ITGAE: variants seen among roughly 807,000 people sequenced by gnomAD.
The protein encoded by ITGAE is integrin subunit alpha E, also known as integrin alpha-E.
ITGAE carries 99 observed loss-of-function variants against 136.5 expected under a neutral mutation model. The ratio of observed to expected loss-of-function variants is 0.73; its 90% CI spans 0.62 to 0.86. The LOEUF is 0.86. Ranked by LOEUF, ITGAE falls within the 40% of genes least tolerant of loss-of-function variation. The pLI is 0.00. For missense variants in ITGAE, 1,447 were observed against 1,515.3 expected, an observed-to-expected ratio of 0.95 and a Z score of 0.75; for synonymous variants, 613 against 591.8, an observed-to-expected ratio of 1.04 and a Z score of -0.52.
intron 12 of ITGAE, 80 bp from the exon 13 acceptor site, chr17:3,754,005 C>A: frequency 6.5e-7 from 1 of 1,539,814 alleles, no homozygotes. Flanking sequence ...CCTTCCCAGT[C>A]AGGCCTTCAA....
rs374269564 is a variant in ITGAE at position 3,745,932 on chromosome 17, G to C, written c.2156-5C>G. On this transcript the variant is annotated splice_region_variant and splice_polypyrimidine_tract_variant and intron_variant, in intron 17 of 30. Coordinates refer to ENST00000263087, the MANE Select transcript of ITGAE (RefSeq NM_002208.5). ...TGAGAAGTGCCTCGCGGAGGCCTGG[G>C]AATGAAGACCAGACCTTCCCGATGA... 1.2e-6 allele frequency: 2 copies of C among 1,612,654 alleles called. No homozygotes were observed. Among genetic ancestry groups the C allele is most frequent in the Non-Finnish European group, 1.7e-6 (2 of 1,179,440 alleles).
At chr17:3,788,844 AAAT>A (rs10599333) in intron 1 of ITGAE, among the ~76,000 whole-genome samples, 4 of 26,444 alleles carry the variant, frequency 1.5e-4, no homozygotes, top group East Asian at 5.2e-4. Flanking sequence ...AATTATTTAA[AAAT>A]AATAATTATA....
intron 27 of ITGAE, 54 bp downstream of exon 27, chr17:3,723,634 T>G: frequency 6.7e-7 from 1 of 1,493,844 alleles, no homozygotes; most frequent in Non-Finnish European, 9.0e-7. Flanking sequence ...GGCCTCTCGT[T>G]ACCCGCTTCA....
At chr17:3,767,139 C>A (rs892169060) in intron 2 of ITGAE, among the ~76,000 whole-genome samples, 2 of 151,784 alleles carry the variant, frequency 1.3e-5, no homozygotes, top group Admixed American at 6.6e-5. Context: ...TCTTGTCGCC[C>A]AGGCTGGAGT....
At chr17:3,729,578 A>T in intron 23 of ITGAE, 23 bp from the exon 24 acceptor site, 1 of 1,395,138 alleles carries the variant, frequency 7.2e-7, no homozygotes, top group Non-Finnish European at 1.0e-6. Context: ...GTGTTAGTTC[A>T]TAGCACACCT....
Position 3,731,168 on chromosome 17 carries a change from C to A in ITGAE, c.2770G>T (p.Val924Phe). 1 of 1,613,450 alleles carries A rather than the reference C, an allele frequency of 6.2e-7. No individual in the cohort carries two copies. The highest frequency in any genetic ancestry group is 8.5e-7 in the Non-Finnish European group (1 of 1,179,588). The change falls in exon 23 of 31, where the codon GTT becomes TTT. Residue 924 changes from valine (V) to phenylalanine (F), a missense_variant. Around this residue, in one of 3 missense-constraint regions of ITGAE, gnomAD observed 1,031 missense variants for 1,011.4 expected, o/e 1.02. Coordinates refer to ENST00000263087, the MANE Select transcript of ITGAE (RefSeq NM_002208.5). ...AAGGCATTCTCCTCTAGCTGCCAAA[C>A]GACTGAAACATGAGCCTATTTTAAA... ...LKRSSAHVSV[V>F]WQLEENAFPN...
chr17:3,717,473 T>C (rs1221281945), intron 29 of ITGAE: 1 of 152,228 alleles, frequency 6.6e-6, no homozygotes, highest in Non-Finnish European at 1.5e-5. Flanking sequence ...CTAATCTCTC[T>C]TCTGGCAGGG....
chr17:3,743,148 C>G (rs2051625878), intron 19 of ITGAE, among the ~76,000 whole-genome samples: 1 of 152,234 alleles, frequency 6.6e-6, no homozygotes, highest in African/African-American at 2.4e-5. Context: ...CAAGGAACCC[C>G]CATCACAGCG....
Position 3,796,846 on chromosome 17 carries a change from G to A in ITGAE, c.34+4265C>T, listed in dbSNP as rs145391651. ...ACCACGATTCCCAATTTAGGAAACC[G>A]AGGCCCATGGGGCATGATTTGCCCA... On this transcript the variant is annotated intron_variant, in intron 1 of 30. Coordinates refer to ENST00000263087, the MANE Select transcript of ITGAE (RefSeq NM_002208.5). Among the ~76,000 whole-genome samples the A allele has an allele frequency of 6.1e-3, 932 of 152,172 alleles. 13 individuals carry two copies. The highest frequency in any genetic ancestry group is 0.021 in the African/African-American group (883 of 41,520).
At chr17:3,736,224 G>T (rs1422375447) in intron 20 of ITGAE, among the ~76,000 whole-genome samples, 3 of 152,120 alleles carry the variant, frequency 2.0e-5, no homozygotes, top group African/African-American at 4.8e-5. Context: ...CAGGAGAATT[G>T]CTTGAGCCCG....
chr17:3,732,172 G>A (rs964102668), intron 22 of ITGAE, among the ~76,000 whole-genome samples, 196 bp downstream of exon 22: 3 of 152,274 alleles, frequency 2.0e-5, no homozygotes, highest in South Asian at 2.1e-4. Flanking sequence ...AGTTCACCTA[G>A]GGCTGTGTAC....
Position 3,761,448 on chromosome 17 carries a change from C to A in ITGAE, c.388G>T (p.Gly130Cys). ...SELTGTCSLL[G>C]PDLRPQAQAN... ...TGAGCCTGGGGACGGAGGTCAGGGC[C>A]CAGGAGGCTACAGGTGCCTGTGAGT... The change falls in exon 5 of 31, where the codon GGC (glycine) becomes TGC (cysteine). Residue 130 changes from glycine to cysteine, a missense_variant. Physicochemically the swap from Gly to Cys is radical, Grantham distance 159. Transcript: ENST00000263087. 1 of 1,614,008 alleles carries A rather than the reference C, an allele frequency of 6.2e-7. No individual in the cohort carries two copies. The highest frequency in any genetic ancestry group is 1.3e-5 in the African/African-American group (1 of 75,064).
rs2052118007 is a variant in ITGAE at position 3,759,689 on chromosome 17, C to T, written c.715-136G>A. The T allele has an allele frequency of 2.9e-6, 3 of 1,040,308 alleles. 1 individual carries two copies. The highest frequency in any genetic ancestry group is 3.0e-5 in the South Asian group (2 of 65,708). The allele number at this position is 1,040,308 out of a possible 1,614,324, so 64.4% of individuals were successfully genotyped here. A position where few individuals can be genotyped will look rare whatever the true frequency, so the allele number is the denominator to read the frequency against. On this transcript the variant is annotated intron_variant, in intron 7 of 30. Coordinates refer to ENST00000263087, the MANE Select transcript of ITGAE (RefSeq NM_002208.5). ...GGCAGAAAGAGATGCTAAGGCAGAG[C>T]AAAATCTCTAAGCGAGTAGGGGTGG...
At chr17:3,791,825 TA>T (rs2052947051) in intron 1 of ITGAE, among the ~76,000 whole-genome samples, 1 of 152,208 alleles carries the variant, frequency 6.6e-6, no homozygotes. Flanking sequence ...AGCCAGGCTT[TA>T]AATACCTTGA....
At chr17:3,757,247 C>T in intron 9 of ITGAE, 113 bp from the exon 10 acceptor site, 1 of 1,286,362 alleles carries the variant, frequency 7.8e-7, no homozygotes, top group Non-Finnish European at 1.1e-6. Flanking sequence ...TGTCTCCTTC[C>T]TTCCTTTCTC....
At chr17:3,777,175 A>C (rs1316068843) in intron 2 of ITGAE, among the ~76,000 whole-genome samples, 1 of 151,440 alleles carries the variant, frequency 6.6e-6, no homozygotes, top group South Asian at 2.1e-4. Flanking sequence ...GTTAGCCAGG[A>C]TGGTCTCAAT....
Position 3,745,665 on chromosome 17 carries a change from C to A in ITGAE, c.2319+99G>T, listed in dbSNP as rs948044391. On this transcript the variant is annotated intron_variant, in intron 18 of 30. Transcript: ENST00000263087. Reference sequence around the variant, plus strand: ...CCTGTTATGATTATTTTAATCACCTCATTTGTAGGTCTGGGTATGTGCCCT... The same window carrying A: ...CCTGTTATGATTATTTTAATCACCTAATTTGTAGGTCTGGGTATGTGCCCT... 6 of 1,170,658 alleles carry A rather than the reference C, an allele frequency of 5.1e-6. No homozygotes were observed. The African/African-American group carries it at 9.2e-5, about 18-fold the overall frequency. 72.5% of individuals were successfully genotyped at this position (1,170,658 alleles called of 1,614,324 possible). A position where few individuals can be genotyped will look rare whatever the true frequency, so the allele number is the denominator to read the frequency against.
intron 20 of ITGAE, among the ~76,000 whole-genome samples, chr17:3,735,961 T>C (rs1283127067): frequency 1.3e-5 from 2 of 152,048 alleles, no homozygotes; most frequent in Non-Finnish European, 2.9e-5. Context: ...CTGGCCAAGA[T>C]GGTGAAACCC....
rs2053184779 is a variant in ITGAE at position 3,798,886 on chromosome 17, C to G, written c.34+2225G>C. On this transcript the variant is annotated intron_variant, in intron 1 of 30. Transcript: ENST00000263087. The surrounding 1 kb of genome is among the most constrained non-coding windows in gnomAD (Gnocchi z 4.3). ...GCTGGTGGTCAGGGTGTGGACAGTTCCAGGGTTTCAGTGTCTGTCTGCACC... is the reference window on the plus strand; with the variant it reads ...GCTGGTGGTCAGGGTGTGGACAGTTGCAGGGTTTCAGTGTCTGTCTGCACC... Among the ~76,000 whole-genome samples, 1 of 152,108 alleles carries G rather than the reference C, an allele frequency of 6.6e-6. No homozygotes were observed. The highest frequency in any genetic ancestry group is 2.4e-5 in the African/African-American group (1 of 41,426).
Sources: gnomAD v4.1 joint callset for allele counts (sites outside exome capture counted in the v4.1 genomes callset) on GRCh38, gnomAD v4.1.1 for gene constraint, gnomAD v4.1.1 regional missense constraint, Gnocchi (gnomAD v3.1) non-coding constraint, MANE v1.5 for transcripts, NCBI Gene and HGNC (gene_info 2026-07-23, HGNC 2026-07-21) for gene names.